The following CASC3 variants were observed in gnomAD, a reference collection of about 807,000 sequenced individuals.
CASC3 encodes the protein protein CASC3.
In CASC3, 30 loss-of-function variants were observed where a neutral mutation model predicts 80.5. The observed-to-expected ratio is 0.37, with a 90% CI of 0.28 to 0.51. CASC3 has a LOEUF of 0.51. Among genes scored for constraint, CASC3 ranks in the 20% least tolerant of loss-of-function variants. CASC3 has a pLI of 0.94. For missense variants in CASC3, 824 were observed against 922.2 expected (o/e 0.89, Z 1.38); for synonymous variants, 312 against 333.6 (o/e 0.94, Z 0.70).
intron 11 of CASC3, 182 bp downstream of exon 11, chr17:40,168,599 T>C: frequency 1.6e-6 from 1 of 607,110 alleles, no homozygotes; most frequent in Non-Finnish European, 2.9e-6. Context: ...ATGCCCATCA[T>C]CTTTATTCTT....
chr17:40,163,669 G>T lies in CASC3; in HGVS notation c.974G>T (p.Gly325Val). 6.2e-7 allele frequency: 1 copy of T among 1,614,128 alleles called. No individual in the cohort carries two copies. Among genetic ancestry groups the T allele is most frequent in the Non-Finnish European group, 8.5e-7 (1 of 1,180,022 alleles). ...RSGGFKEGRAGFRPVEAGGQH... is the reference protein window; with the variant it reads ...RSGGFKEGRAVFRPVEAGGQH... ...GGGGGCTTCAAGGAAGGTCGTGCTG[G>T]TTTTAGGCCTGTGGAAGCTGGTGGG... The change falls in exon 7 of 14, where the codon GGT (glycine) becomes GTT (valine). Residue 325 changes from glycine to valine, a missense_variant. By Grantham distance (109) the Gly-to-Val change is moderately radical. Coordinates refer to ENST00000264645, the MANE Select transcript of CASC3 (RefSeq NM_007359.5).
At chr17:40,144,679 T>A (rs1988809167) in intron 3 of CASC3, among the ~76,000 whole-genome samples, 1 of 145,818 alleles carries the variant, frequency 6.9e-6, no homozygotes. Context: ...TTTTTTTTTT[T>A]TAAAAAAGAG....
In CASC3 at chr17:40,169,340, A is replaced by G. The variant is rs779364971; in HGVS notation, c.1982A>G (p.Tyr661Cys). The G allele has an allele frequency of 2.2e-5, 35 of 1,610,390 alleles. No individual in the cohort carries two copies. In the South Asian group the frequency reaches 3.8e-4, roughly 17 times the overall value. ...YPNTQAPSQVYGGVTYYNPAQ... is the reference protein window; with the variant it reads ...YPNTQAPSQVCGGVTYYNPAQ... ...GGGTCCCAGGCCCCATCACAGGTAT[A>G]TGGAGGAGTGACCTACTATAACCCC... Residue 661 changes from tyrosine (Y) to cysteine (C), a missense_variant, in exon 12 of 14, where the codon TAT becomes TGT. Transcript: ENST00000264645.
intron 7 of CASC3, among the ~76,000 whole-genome samples, 183 bp from the exon 8 acceptor site, chr17:40,166,614 A>G (rs1364507222): frequency 2.0e-5 from 3 of 152,188 alleles, no homozygotes; most frequent in African/African-American, 7.2e-5. Context: ...GATGGCAGAC[A>G]GTGGGGACAA....
intron 3 of CASC3, among the ~76,000 whole-genome samples, chr17:40,156,727 G>A (rs564495197): frequency 2.0e-4 from 31 of 151,982 alleles, no homozygotes; most frequent in African/African-American, 7.2e-4. Flanking sequence ...GTTGACCTTT[G>A]GACAACATGG....
At chr17:40,156,612 C>T (rs574669844) in intron 3 of CASC3, among the ~76,000 whole-genome samples, 1 of 151,978 alleles carries the variant, frequency 6.6e-6, no homozygotes, top group East Asian at 1.9e-4. Context: ...TGGCATGAAC[C>T]CGGGAGGCGG....
At chr17:40,166,147 A>C (rs1003673056) in intron 7 of CASC3, among the ~76,000 whole-genome samples, 6 of 152,190 alleles carry the variant, frequency 3.9e-5, no homozygotes, top group Non-Finnish European at 4.4e-5. Context: ...AGTTTTAGAG[A>C]GTAAGACCTA....
rs1989364477 is a variant in CASC3 at position 40,163,620 on chromosome 17, G to T, written c.925G>T (p.Ala309Ser). Residue 309 changes from alanine to serine, a missense_variant, in exon 7 of 14, where the codon GCA (alanine) becomes TCA (serine). Physicochemically the swap from Ala to Ser is moderately conservative, Grantham distance 99. Around this residue, in one of 3 missense-constraint regions of CASC3, gnomAD observed 201 missense variants for 294.1 expected, o/e 0.68. Transcript: ENST00000264645. ...RNAAGTGRMS[A>S]PRNYSRSGGF... ...TGCTGCAGGTACCGGCCGTATGTCT[G>T]CACCCAGGAATTATTCTCGATCTGG... is the stretch of plus-strand genomic sequence containing the variant. The T allele has an allele frequency of 6.2e-7, 1 of 1,614,150 alleles. No individual in the cohort carries two copies. Among genetic ancestry groups the T allele is most frequent in the Admixed American group, 1.7e-5 (1 of 60,006 alleles).
intron 3 of CASC3, among the ~76,000 whole-genome samples, chr17:40,161,068 C>T (rs1057227751): frequency 6.6e-6 from 1 of 152,034 alleles, no homozygotes; most frequent in Non-Finnish European, 1.5e-5. Flanking sequence ...CAAGCTCTGC[C>T]TCCCTGGTTC....
At chr17:40,145,607 G>A (rs948620983) in intron 3 of CASC3, among the ~76,000 whole-genome samples, 9 of 151,966 alleles carry the variant, frequency 5.9e-5, no homozygotes, top group African/African-American at 2.2e-4. Context: ...TGGTGAGCAG[G>A]GGCCACTAAT....
intron 3 of CASC3, among the ~76,000 whole-genome samples, chr17:40,147,854 A>T (rs1161261261): frequency 2.0e-5 from 3 of 152,056 alleles, no homozygotes; most frequent in Non-Finnish European, 4.4e-5. Context: ...TACCTTTCTG[A>T]GTTCTCATTT....
intron 3 of CASC3, among the ~76,000 whole-genome samples, chr17:40,152,532 G>A (rs534289505): frequency 6.6e-6 from 1 of 151,934 alleles, no homozygotes; most frequent in Non-Finnish European, 1.5e-5. Context: ...TGTTGGTCAG[G>A]CTGGTCTCGA....
intron 7 of CASC3, among the ~76,000 whole-genome samples, chr17:40,166,318 G>A (rs954296697): frequency 5.3e-5 from 8 of 152,080 alleles, no homozygotes; most frequent in African/African-American, 1.9e-4. Flanking sequence ...ATTCCTTTTT[G>A]TCTTGAGTCA....
At chr17:40,156,119 G>A (rs531025884) in intron 3 of CASC3, among the ~76,000 whole-genome samples, 1 of 152,192 alleles carries the variant, frequency 6.6e-6, no homozygotes, top group East Asian at 1.9e-4. Flanking sequence ...GAGAATTAAA[G>A]TCACATACAC....
intron 3 of CASC3, among the ~76,000 whole-genome samples, chr17:40,146,745 T>A (rs1048510713): frequency 2.6e-5 from 4 of 151,980 alleles, no homozygotes; most frequent in Non-Finnish European, 5.9e-5. Context: ...GCCTCTTTTT[T>A]ATTTTTTTAA....
At chr17:40,146,563 A>G (rs1442072037) in intron 3 of CASC3, among the ~76,000 whole-genome samples, 1 of 151,446 alleles carries the variant, frequency 6.6e-6, no homozygotes, top group African/African-American at 2.4e-5. Flanking sequence ...CAGCCTCCCA[A>G]GTAGCTGGGA....
intron 10 of CASC3, 51 bp downstream of exon 10, chr17:40,167,999 T>G: frequency 6.4e-7 from 1 of 1,552,930 alleles, no homozygotes; most frequent in South Asian, 1.1e-5. Context: ...GGATATATGT[T>G]GGGAGTGCCA....
At chr17:40,167,264 A>G (rs1411507004) in intron 8 of CASC3, 6 of 566,312 alleles carry the variant, frequency 1.1e-5, no homozygotes, top group African/African-American at 1.9e-5. Context: ...CGGCCAAGAT[A>G]AAGTCAGTTT....
chr17:40,151,527 C>G (rs994618990), intron 3 of CASC3, among the ~76,000 whole-genome samples: 24 of 151,468 alleles, frequency 1.6e-4, no homozygotes, highest in African/African-American at 5.6e-4. Context: ...GACCTTATCT[C>G]TATAAAAAAT....
Sources: allele counts gnomAD v4.1 joint callset (sites outside exome capture counted in the v4.1 genomes callset), GRCh38; gene constraint gnomAD v4.1.1; regional missense constraint gnomAD v4.1.1; transcripts MANE v1.5; gene names NCBI Gene and HGNC (gene_info 2026-07-23, HGNC 2026-07-21).